KCNK2: variants seen among roughly 807,000 people sequenced by gnomAD.
KCNK2 encodes potassium channel subfamily K member 2.
KCNK2 carries 21 observed loss-of-function variants against 40.5 expected under a neutral mutation model. The ratio of observed to expected loss-of-function variants is 0.52; its 90% CI spans 0.37 to 0.75. KCNK2 has a LOEUF of 0.75. Ranked by LOEUF, KCNK2 falls within the 30% of genes least tolerant of loss-of-function variation. The probability of loss-of-function intolerance (pLI) is 0.00; values close to 1 mark genes in which losing one functional copy is unlikely to be tolerated. For missense variants in KCNK2, 399 were observed against 531.6 expected, an observed-to-expected ratio of 0.75 and a Z score of 2.45; for synonymous variants, 191 against 202.2, an observed-to-expected ratio of 0.94 and a Z score of 0.47.
chr1:215,230,559 C>CATATATAT (rs71167818), intron 6 of KCNK2, among the ~76,000 whole-genome samples: 2 of 109,502 alleles, frequency 1.8e-5, no homozygotes, highest in African/African-American at 8.0e-5. Flanking sequence ...ACATAACAGC[C>CATATATAT]ATATATATAT....
intron 2 of KCNK2, among the ~76,000 whole-genome samples, chr1:215,119,591 G>C (rs1378666638): frequency 6.6e-6 from 1 of 152,092 alleles, no homozygotes; most frequent in Non-Finnish European, 1.5e-5. Flanking sequence ...ATCCAATCAA[G>C]ATTATCTTTT....
At chr1:215,160,090 T>G (rs1663126994) in intron 3 of KCNK2, among the ~76,000 whole-genome samples, 1 of 152,204 alleles carries the variant, frequency 6.6e-6, no homozygotes, top group African/African-American at 2.4e-5. Context: ...TTAAATACAA[T>G]GTATAATCTT....
chr1:215,036,202 A>AT (rs1046693146), intron 1 of KCNK2, among the ~76,000 whole-genome samples: 19 of 150,472 alleles, frequency 1.3e-4, no homozygotes, highest in African/African-American at 4.2e-4. Flanking sequence ...CCTCAAATTG[A>AT]TTTTTTTGAG....
intron 3 of KCNK2, among the ~76,000 whole-genome samples, chr1:215,138,203 A>G (rs189979120): frequency 6.6e-6 from 1 of 152,282 alleles, no homozygotes; most frequent in Admixed American, 6.5e-5. Flanking sequence ...TAAAAATAAG[A>G]AAATCTCATT....
chr1:215,069,926 T>A (rs747370886), intron 1 of KCNK2, among the ~76,000 whole-genome samples: 5 of 152,190 alleles, frequency 3.3e-5, no homozygotes, highest in Non-Finnish European at 5.9e-5. Context: ...GATGTAATCT[T>A]TCTTGGAGTT....
At chr1:215,124,788 C>G in intron 3 of KCNK2, 38 bp downstream of exon 3, 1 of 1,161,736 alleles carries the variant, frequency 8.6e-7, no homozygotes, top group Non-Finnish European at 1.3e-6. Context: ...GTTTTGATAC[C>G]GTTTGTGAGC....
chr1:215,234,724 CTCT>C, intron 6 of KCNK2, 101 bp from the exon 7 acceptor site: 1 of 1,120,588 alleles, frequency 8.9e-7, no homozygotes, highest in Non-Finnish European at 1.3e-6. Flanking sequence ...GACTACTCCA[CTCT>C]TCTTTTTAAA....
At chr1:215,224,998 C>A (rs1666329016) in intron 6 of KCNK2, among the ~76,000 whole-genome samples, 1 of 151,962 alleles carries the variant, frequency 6.6e-6, no homozygotes, top group South Asian at 2.1e-4. Context: ...TTATTTAGGG[C>A]TGGATATGCT....
chr1:215,157,856 A>G, intron 3 of KCNK2, among the ~76,000 whole-genome samples: 1 of 152,198 alleles, frequency 6.6e-6, no homozygotes, highest in East Asian at 1.9e-4. Context: ...CATTGGTTAG[A>G]ACCTGTGGTA....
intron 3 of KCNK2, among the ~76,000 whole-genome samples, chr1:215,157,423 C>G (rs543751191): frequency 1.1e-4 from 17 of 152,240 alleles, no homozygotes; most frequent in African/African-American, 4.1e-4. Context: ...GGCCACTGCC[C>G]CTCCCCACCT....
intron 1 of KCNK2, among the ~76,000 whole-genome samples, chr1:215,017,232 C>T (rs530973403): frequency 6.6e-6 from 1 of 152,064 alleles, no homozygotes; most frequent in East Asian, 1.9e-4. Flanking sequence ...AGAAATCCCA[C>T]TGTTGGGTGT....
chr1:215,012,596 CAAGTAGCTGGGATTACT>C (rs2102471496), intron 1 of KCNK2, among the ~76,000 whole-genome samples: 1 of 150,934 alleles, frequency 6.6e-6, no homozygotes, highest in East Asian at 1.9e-4. Flanking sequence ...CTCAGCCTGC[CAAGTAGCTGGGATTACT>C]GGTGCACACC....
At chr1:215,165,919 T>C (rs991095338) in intron 3 of KCNK2, among the ~76,000 whole-genome samples, 1 of 152,174 alleles carries the variant, frequency 6.6e-6, no homozygotes, top group Admixed American at 6.6e-5. Flanking sequence ...GGCTATAATA[T>C]ACTGCTAAAC....
At chr1:215,055,251 T>C (rs1284894359) in intron 1 of KCNK2, among the ~76,000 whole-genome samples, 1 of 152,360 alleles carries the variant, frequency 6.6e-6, no homozygotes, top group South Asian at 2.1e-4. Flanking sequence ...TACACGAGTG[T>C]CTTTTATGTC....
At chr1:215,197,552 C>A (rs964047277) in intron 6 of KCNK2, among the ~76,000 whole-genome samples, 52 of 152,246 alleles carry the variant, frequency 3.4e-4, no homozygotes, top group African/African-American at 1.2e-3. Context: ...TTTTTGACCT[C>A]ATTGAACCTT....
chr1:215,081,516 A>G (rs996397482), upstream of KCNK2, among the ~76,000 whole-genome samples: 1 of 152,050 alleles, frequency 6.6e-6, no homozygotes, highest in South Asian at 2.1e-4. Flanking sequence ...TGCTGAATGT[A>G]TTCTGGAATC....
intron 1 of KCNK2, among the ~76,000 whole-genome samples, chr1:215,063,045 C>A (rs1046520354): frequency 7.2e-5 from 11 of 152,064 alleles, no homozygotes; most frequent in Non-Finnish European, 1.5e-4. Flanking sequence ...AATGCTCAAT[C>A]TTGGAAAGAA....
chr1:215,041,209 C>G (rs1372937330), intron 1 of KCNK2, among the ~76,000 whole-genome samples: 2 of 152,150 alleles, frequency 1.3e-5, no homozygotes, highest in African/African-American at 4.8e-5. Context: ...TCTGCCACTT[C>G]TTAGCGATTT....
chr1:215,030,943 C>T (rs933950447), intron 1 of KCNK2, among the ~76,000 whole-genome samples: 80 of 152,020 alleles, frequency 5.3e-4, no homozygotes, highest in African/African-American at 1.8e-3. Flanking sequence ...ATCTGCATCT[C>T]GATTCATTTT....
Sources: gnomAD v4.1 joint callset for allele counts (sites outside exome capture counted in the v4.1 genomes callset) on GRCh38, gnomAD v4.1.1 for gene constraint, MANE v1.5 for transcripts, NCBI Gene and HGNC (gene_info 2026-07-23, HGNC 2026-07-21) for gene names.